USP32: variants seen among roughly 807,000 people sequenced by gnomAD.
USP32 encodes the protein ubiquitin carboxyl-terminal hydrolase 32.
Under a neutral mutation model 204.8 loss-of-function variants are expected in USP32, and 59 were observed. The observed-to-expected ratio is 0.29, with a 90% CI of 0.23 to 0.36. The LOEUF is 0.36. Ranked by LOEUF, USP32 falls within the 10% of genes least tolerant of loss-of-function variation. The probability of loss-of-function intolerance (pLI) is 1.00; values close to 1 mark genes in which losing one functional copy is unlikely to be tolerated. For synonymous variants in USP32, 517 were observed against 678.4 expected (o/e 0.76, Z 3.70); for missense variants, 1,160 against 1,946.4 (o/e 0.60, Z 7.60).
intron 11 of USP32, among the ~76,000 whole-genome samples, chr17:60,237,549 C>T (rs2085764744): frequency 6.6e-6 from 1 of 152,138 alleles, no homozygotes; most frequent in South Asian, 2.1e-4. Flanking sequence ...TTCTGATACA[C>T]CTCAATTAAA....
At chr17:60,388,992 T>A (rs1369124191) in intron 1 of USP32, among the ~76,000 whole-genome samples, 3 of 152,228 alleles carry the variant, frequency 2.0e-5, no homozygotes, top group Non-Finnish European at 2.9e-5. Flanking sequence ...CCTATTTTTT[T>A]AAATACTACC....
chr17:60,414,761 T>C (rs1237967168), intron 1 of USP32, among the ~76,000 whole-genome samples: 1 of 152,174 alleles, frequency 6.6e-6, no homozygotes, highest in African/African-American at 2.4e-5. Flanking sequence ...TGCCTTCTTG[T>C]TCATCAAGTT....
At chr17:60,289,288 A>G (rs987955081) in intron 4 of USP32, among the ~76,000 whole-genome samples, 3 of 152,162 alleles carry the variant, frequency 2.0e-5, no homozygotes, top group Non-Finnish European at 4.4e-5. Flanking sequence ...GATTACAGGC[A>G]TGAGCCACCG....
rs1191082074 is a variant in USP32 at position 60,377,774 on chromosome 17, A to C, written c.58+14108T>G. Among the ~76,000 whole-genome samples the C allele has an allele frequency of 7.2e-5, 11 of 152,156 alleles. 1 individual carries two copies. Among genetic ancestry groups the C allele is most frequent in the Admixed American group, 7.2e-4 (11 of 15,274 alleles). On this transcript the variant is annotated intron_variant, in intron 1 of 33. Transcript: ENST00000300896. The stretch of plus-strand genomic sequence containing the variant: ...TAGAAAATTATTTTCAAAGGACTCT[A>C]TCTAGGGAAGTCTTTTGGGTTTTAG...
At chr17:60,190,526 T>C (rs2084353670) in intron 29 of USP32, 37 bp downstream of exon 29, 3 of 1,511,502 alleles carry the variant, frequency 2.0e-6, no homozygotes, top group East Asian at 2.5e-5. Context: ...ATTTCTCATA[T>C]AAAAACCACC....
chr17:60,409,546 C>A (rs8065090), intron 1 of USP32, among the ~76,000 whole-genome samples: 2,389 of 152,180 alleles, frequency 0.016, 63 homozygotes, highest in African/African-American at 0.054. Context: ...AAAAAATTAC[C>A]ACAAGCTTAG....
intron 9 of USP32, 45 bp from the exon 10 acceptor site, chr17:60,255,303 T>TTTTC: frequency 6.9e-7 from 1 of 1,454,852 alleles, no homozygotes; most frequent in African/African-American, 1.5e-5. Flanking sequence ...TTTTTCTTTT[T>TTTTC]TTTTTTTTTT....
intron 2 of USP32, among the ~76,000 whole-genome samples, chr17:60,322,754 T>G (rs946458192): frequency 6.6e-6 from 1 of 152,208 alleles, no homozygotes; most frequent in Non-Finnish European, 1.5e-5. Flanking sequence ...TAAAGATATT[T>G]ATTGCTAAAA....
At chr17:60,254,503 C>A (rs2086244408) in intron 10 of USP32, among the ~76,000 whole-genome samples, 1 of 152,258 alleles carries the variant, frequency 6.6e-6, no homozygotes, top group Admixed American at 6.5e-5. Flanking sequence ...GAGTTTAATA[C>A]CAGCCTGGGC....
intron 9 of USP32, among the ~76,000 whole-genome samples, chr17:60,264,850 A>C (rs1411610773): frequency 2.5e-5 from 3 of 121,410 alleles, no homozygotes; most frequent in Non-Finnish European, 4.8e-5. Context: ...ACAGAGCAAG[A>C]CTCTGTCAAA....
chr17:60,370,730 C>T (rs2089422572), intron 1 of USP32, among the ~76,000 whole-genome samples: 1 of 149,134 alleles, frequency 6.7e-6, no homozygotes, highest in South Asian at 2.1e-4. Flanking sequence ...CCACTATACT[C>T]CAGCCTGAGT....
intron 1 of USP32, among the ~76,000 whole-genome samples, chr17:60,410,512 C>T (rs2090009694): frequency 6.6e-6 from 1 of 151,704 alleles, no homozygotes; most frequent in African/African-American, 2.4e-5. Context: ...ACTAAAAATA[C>T]AAAAAATTAG....
rs756161438 is a variant in USP32, at chr17:60,345,482, T to G, written c.185A>C (p.Glu62Ala). The G allele has an allele frequency of 1.2e-6, 2 of 1,613,654 alleles. No individual in the cohort carries two copies. Among genetic ancestry groups the G allele is most frequent in the South Asian group, 2.2e-5 (2 of 91,046 alleles). The change falls in exon 2 of 34, where the codon GAG becomes GCG. Residue 62 changes from glutamate (E) to alanine (A), a missense_variant and splice_region_variant. By Grantham distance (107) the Glu-to-Ala change is moderately radical (BLOSUM62 -1). This residue lies in a region of USP32 where 536 missense variants were observed against 680.9 expected (regional missense o/e 0.79). Transcript: ENST00000300896. ...LGDGVPPKVA[E>A]VIYCSFGGTS... ...GAAAACTTAGAACAAAAAGATTACC[T>G]CAGCAACCTTTGGAGGCACTCCATC...
At chr17:60,328,361 C>T (rs75597722) in intron 2 of USP32, among the ~76,000 whole-genome samples, 3,321 of 152,114 alleles carry the variant, frequency 0.022, 115 homozygotes, top group African/African-American at 0.075. Context: ...AGAGCTGGAC[C>T]GAGGATGGGA....
Position 60,179,412 on chromosome 17 carries a change from T to C in USP32, c.4658A>G (p.Glu1553Gly). 1 of 1,612,362 alleles carries C rather than the reference T, an allele frequency of 6.2e-7. No homozygotes were observed. Among genetic ancestry groups the C allele is most frequent in the Non-Finnish European group, 8.5e-7 (1 of 1,179,838 alleles). Residue 1553 changes from glutamate (E) to glycine (G), a missense_variant, in exon 34 of 34, where the codon GAA becomes GGA. By Grantham distance (98) the Glu-to-Gly change is moderately conservative (BLOSUM62 -2). This residue lies in a region of USP32 where 244 missense variants were observed against 342.3 expected (regional missense o/e 0.71). Transcript: ENST00000300896. ...AATGTAGGCAGAGTCGGTGTCAATT[T>C]CATCCGGGTGAAGTTCCTGAAAGGG... is the stretch of plus-strand genomic sequence containing the variant. Reference protein sequence around the residue: ...DSSCKELHPDEIDTDSAYILF... With the variant: ...DSSCKELHPDGIDTDSAYILF...
At chr17:60,301,076 G>A (rs529423096) in intron 3 of USP32, among the ~76,000 whole-genome samples, 3 of 152,134 alleles carry the variant, frequency 2.0e-5, no homozygotes, top group East Asian at 3.9e-4. Context: ...ATCATGTTTT[G>A]TTTATCCATT....
chr17:60,387,791 C>T (rs2089756262), intron 1 of USP32, among the ~76,000 whole-genome samples: 3 of 152,136 alleles, frequency 2.0e-5, no homozygotes, highest in Admixed American at 2.0e-4. Context: ...GCTTAGAACA[C>T]TTACATTAGC....
At chr17:60,288,776 T>C in intron 4 of USP32, 94 bp from the exon 5 acceptor site, 2 of 1,009,684 alleles carry the variant, frequency 2.0e-6, no homozygotes, top group Admixed American at 5.1e-5. Flanking sequence ...AGTTGGCAAT[T>C]ACCTTTCTGC....
At chr17:60,210,884 T>C (rs1222591146) in intron 21 of USP32, 129 bp downstream of exon 21, 1 of 1,418,764 alleles carries the variant, frequency 7.0e-7, no homozygotes, top group Non-Finnish European at 9.3e-7. Flanking sequence ...TTTGACCTTT[T>C]GTTTATACCA....
Sources: gnomAD v4.1 joint callset for allele counts (sites outside exome capture counted in the v4.1 genomes callset) on GRCh38, gnomAD v4.1.1 for gene constraint, gnomAD v4.1.1 regional missense constraint, MANE v1.5 for transcripts, NCBI Gene and HGNC (gene_info 2026-07-23, HGNC 2026-07-21) for gene names.